Variants in CDK15 observed in about 807,000 individuals in gnomAD.
The protein encoded by CDK15 is cyclin dependent kinase 15, also known as cyclin-dependent kinase 15.
CDK15 carries 62 observed loss-of-function variants against 60.3 expected under a neutral mutation model. The observed-to-expected ratio is 1.03, with a 90% confidence interval of 0.84 to 1.27. The LOEUF (loss-of-function observed/expected upper bound fraction) is 1.27. Among genes scored for constraint, CDK15 ranks in the 50% most tolerant of loss-of-function variants. The probability of loss-of-function intolerance (pLI) is 0.00; values close to 1 mark genes in which losing one functional copy is unlikely to be tolerated. For synonymous variants in CDK15, 194 were observed against 195.7 expected (o/e 0.99, Z 0.07); for missense variants, 541 against 527.8 (o/e 1.03, Z -0.25).
intron 6 of CDK15, among the ~76,000 whole-genome samples, chr2:201,827,319 G>A (rs1039574743): frequency 6.6e-5 from 10 of 152,262 alleles, no homozygotes; most frequent in East Asian, 3.9e-4. Context: ...GGTGGCATAC[G>A]CCTGTAGTCC....
In CDK15 at chr2:201,882,619, G is replaced by A. The variant is rs1401515574; in HGVS notation, c.1198+2452G>A. Among the ~76,000 whole-genome samples, 3 of 144,564 alleles carry A rather than the reference G, an allele frequency of 2.1e-5. No individual in the cohort carries two copies. Among genetic ancestry groups the A allele is most frequent in the East Asian group, 3.9e-4 (2 of 5,118 alleles). The allele number at this position is 144,564 out of a possible 152,430, so 94.8% of individuals were successfully genotyped here. A position where few individuals can be genotyped will look rare whatever the true frequency, so the allele number is the denominator to read the frequency against. The stretch of plus-strand genomic sequence containing the variant: ...CCGGTGCCAAGAGACAGGGAAAGGC[G>A]GGGGCAAGATTGGGTGTGTGTGCTT... On this transcript the variant is annotated intron_variant, in intron 12 of 13. Transcript: ENST00000652192. The surrounding 1 kb of genome is among the most constrained non-coding windows in gnomAD (Gnocchi z 4.0).
At chr2:201,862,168 C>T (rs568741006) in intron 10 of CDK15, among the ~76,000 whole-genome samples, 16 of 152,302 alleles carry the variant, frequency 1.1e-4, no homozygotes, top group Non-Finnish European at 8.8e-5. Context: ...ACCTAGACTG[C>T]AGTAATATGT....
chr2:201,823,541 C>A, intron 5 of CDK15, 124 bp from the exon 6 acceptor site: 1 of 851,112 alleles, frequency 1.2e-6, no homozygotes, highest in Non-Finnish European at 1.9e-6. Context: ...ATTCCTTTTG[C>A]ACCTTATTCT....
rs1223461325 is a variant in CDK15, at chr2:201,882,535, C to T, written c.1198+2368C>T. On this transcript the variant is annotated intron_variant, in intron 12 of 13. Coordinates refer to ENST00000652192, the MANE Select transcript of CDK15 (RefSeq NM_001366386.2). The surrounding 1 kb of genome is among the most constrained non-coding windows in gnomAD (Gnocchi z 4.0). ...CCACAGGGCTCTGCTGCTGCTGCCT[C>T]GGCGGACAAGCATTTCCTGCAGCGA... Among the ~76,000 whole-genome samples the T allele has an allele frequency of 6.6e-6, 1 of 152,098 alleles. No individual in the cohort carries two copies.
chr2:201,810,331 A>C (rs1695698919), intron 3 of CDK15, among the ~76,000 whole-genome samples: 2 of 152,094 alleles, frequency 1.3e-5, no homozygotes, highest in South Asian at 4.1e-4. Context: ...TTAAAGAAAT[A>C]TAAATTAAAA....
intron 1 of CDK15, among the ~76,000 whole-genome samples, chr2:201,807,005 G>A (rs940030722): frequency 1.3e-5 from 2 of 152,194 alleles, no homozygotes; most frequent in Non-Finnish European, 2.9e-5. Context: ...TGGGCTGCAC[G>A]AAACTCACTT....
At chr2:201,847,496 A>G in intron 9 of CDK15, 22 bp downstream of exon 9, 1 of 1,598,320 alleles carries the variant, frequency 6.3e-7, no homozygotes, top group Non-Finnish European at 8.6e-7. Flanking sequence ...ATTCTTCTAA[A>G]GAAAATGAAA....
At chr2:201,827,958 G>GATATT (rs1158774558) in intron 6 of CDK15, among the ~76,000 whole-genome samples, 8 of 152,190 alleles carry the variant, frequency 5.3e-5, no homozygotes, top group Admixed American at 5.2e-4. Context: ...AATCAAGGTT[G>GATATT]ATATTATGGT....
intron 10 of CDK15, among the ~76,000 whole-genome samples, chr2:201,856,760 A>G (rs1447994368): frequency 6.6e-6 from 1 of 152,190 alleles, no homozygotes; most frequent in African/African-American, 2.4e-5. Flanking sequence ...GATGATGCCA[A>G]TACAAAGCTA....
intron 11 of CDK15, among the ~76,000 whole-genome samples, chr2:201,876,139 T>C (rs1699069875): frequency 6.6e-6 from 1 of 152,122 alleles, no homozygotes; most frequent in African/African-American, 2.4e-5. Flanking sequence ...TTTATGCCAA[T>C]GTTTATTTTT....
At position 201,872,329 on chromosome 2, in the gene CDK15, G is replaced by A. The variant is rs1698878448; in HGVS notation, c.1058+3G>A. 1 of 1,613,794 alleles carries A rather than the reference G, an allele frequency of 6.2e-7. No individual in the cohort carries two copies. The highest frequency in any genetic ancestry group is 1.3e-5 in the African/African-American group (1 of 75,000). ...AGCCTTCATGTTGTCTGGAACAGGT[G>A]AGTACTACCTCAGGAAGGGATCTTT... is the stretch of plus-strand genomic sequence containing the variant. On this transcript the variant is annotated splice_donor_region_variant and intron_variant, in intron 11 of 13. Coordinates refer to ENST00000652192, the MANE Select transcript of CDK15 (RefSeq NM_001366386.2).
chr2:201,881,549 T>C (rs1699278223), intron 12 of CDK15, among the ~76,000 whole-genome samples: 1 of 152,176 alleles, frequency 6.6e-6, no homozygotes, highest in African/African-American at 2.4e-5. Flanking sequence ...AATCTGTGCA[T>C]AATCAACTGC....
intron 12 of CDK15, among the ~76,000 whole-genome samples, chr2:201,885,365 G>C (rs1157687350): frequency 6.6e-6 from 1 of 152,150 alleles, no homozygotes; most frequent in Non-Finnish European, 1.5e-5. Flanking sequence ...TGTTGGAAAA[G>C]AGGGAGGGAA....
chr2:201,815,407 G>C (rs1193265386), intron 4 of CDK15, among the ~76,000 whole-genome samples: 1 of 152,110 alleles, frequency 6.6e-6, no homozygotes, highest in Non-Finnish European at 1.5e-5. Context: ...ACTATGACCA[G>C]GTACTCTGCC....
At chr2:201,814,105 G>A (rs1695889621) in intron 4 of CDK15, among the ~76,000 whole-genome samples, 1 of 152,174 alleles carries the variant, frequency 6.6e-6, no homozygotes, top group East Asian at 1.9e-4. Flanking sequence ...CTTAAGATTG[G>A]CTTTGCTTAG....
chr2:201,864,475 G>A (rs978686631), intron 10 of CDK15, among the ~76,000 whole-genome samples: 1 of 152,158 alleles, frequency 6.6e-6, no homozygotes, highest in African/African-American at 2.4e-5. Flanking sequence ...GCGGCCCCAT[G>A]CCCAGTTAAT....
intron 11 of CDK15, among the ~76,000 whole-genome samples, 160 bp from the exon 12 acceptor site, chr2:201,879,868 G>T (rs1384288778): frequency 2.0e-5 from 3 of 152,018 alleles, no homozygotes; most frequent in African/African-American, 4.8e-5. Context: ...TTAGTATGGG[G>T]GTTACTTTTC....
chr2:201,829,268 A>C (rs1265485527), intron 6 of CDK15, among the ~76,000 whole-genome samples: 2 of 151,998 alleles, frequency 1.3e-5, no homozygotes, highest in Admixed American at 6.6e-5. Flanking sequence ...CACACAGAAA[A>C]CTTCTCTCCC....
chr2:201,890,711 A>T, intron 12 of CDK15, 74 bp from the exon 13 acceptor site: 1 of 1,179,078 alleles, frequency 8.5e-7, no homozygotes, highest in Non-Finnish European at 1.2e-6. Flanking sequence ...GGCAAATATT[A>T]CAACAGACAA....
Sources: gnomAD v4.1 joint callset for allele counts (sites outside exome capture counted in the v4.1 genomes callset) on GRCh38, gnomAD v4.1.1 for gene constraint, Gnocchi (gnomAD v3.1) non-coding constraint, MANE v1.5 for transcripts, NCBI Gene and HGNC (gene_info 2026-07-23, HGNC 2026-07-21) for gene names.